Variants in BICDL1 observed in about 807,000 individuals in gnomAD.
BICDL1 encodes BICD family-like cargo adapter 1.
BICDL1 carries 20 observed loss-of-function variants against 76.8 expected under a neutral mutation model. The observed-to-expected ratio is 0.26, with a 90% CI of 0.18 to 0.38. The LOEUF is 0.38. BICDL1 is among the 10% of genes least tolerant of loss of function. The pLI is 1.00. For synonymous variants in BICDL1, 383 were observed against 337.1 expected (o/e 1.14, Z -1.49); for missense variants, 700 against 798.6 (o/e 0.88, Z 1.49).
intron 9 of BICDL1, chr12:120,091,636 T>C: frequency 2.0e-6 from 2 of 985,024 alleles, no homozygotes; most frequent in South Asian, 9.4e-5. Context: ...GAGCTGAGTC[T>C]GAAAGACAGG....
chr12:120,026,879 T>C (rs1042021142), intron 2 of BICDL1, among the ~76,000 whole-genome samples: 1 of 152,152 alleles, frequency 6.6e-6, no homozygotes, highest in Non-Finnish European at 1.5e-5. Flanking sequence ...GTATAGGAAG[T>C]TGGTTCACCC....
At position 120,093,262 on chromosome 12, in the gene BICDL1, T is replaced by TAGCATGAGGGGCAGG; in HGVS notation, c.*101_*102insAGCATGAGGGGCAGG. 1 of 1,355,008 alleles carries TAGCATGAGGGGCAGG rather than the reference T, an allele frequency of 7.4e-7. No homozygotes were observed. The highest frequency in any genetic ancestry group is 1.0e-6 in the Non-Finnish European group (1 of 980,584). The allele number at this position is 1,355,008 out of a possible 1,614,324, so 83.9% of individuals were successfully genotyped here. A position where few individuals can be genotyped will look rare whatever the true frequency, so the allele number is the denominator to read the frequency against. On this transcript the variant is annotated 3_prime_UTR_variant, in exon 10 of 10. Coordinates refer to ENST00000548673, the MANE Select transcript of BICDL1 (RefSeq NM_001367886.1). ...GCAGCTTGCACCTCAGCAGCTGCCCTGCCCCTCATGCTAGGGCCCCATGGG... is the reference window on the plus strand; with the variant it reads ...GCAGCTTGCACCTCAGCAGCTGCCCTAGCATGAGGGGCAGGGCCCCTCATGCTAGGGCCCCATGGG...
Position 120,003,908 on chromosome 12 carries a change from A to G in BICDL1, c.645+5172A>G, listed in dbSNP as rs146731648. Among the ~76,000 whole-genome samples, 203 of 152,320 alleles carry G rather than the reference A, an allele frequency of 1.3e-3. 1 individual carries two copies. Among genetic ancestry groups the G allele is most frequent in the Non-Finnish European group, 2.6e-3 (176 of 68,026 alleles). ...TGGCCATTATTTGGGTTTAGGTATC[A>G]TTATGGCTTTCCTGTCCTTCTTGGG... On this transcript the variant is annotated intron_variant, in intron 2 of 9. Coordinates refer to ENST00000548673, the MANE Select transcript of BICDL1 (RefSeq NM_001367886.1).
At chr12:120,064,711 CT>C (rs1953182433) in intron 3 of BICDL1, 21 bp from the exon 4 acceptor site, 1 of 1,592,250 alleles carries the variant, frequency 6.3e-7, no homozygotes, top group Non-Finnish European at 8.5e-7. Flanking sequence ...CACACCACCC[CT>C]GTGGCTCTCC....
chr12:120,093,820 G>C lies in BICDL1; in HGVS notation c.*659G>C, dbSNP rs1171024319. 1 of 188,332 alleles carries C rather than the reference G, an allele frequency of 5.3e-6. No individual in the cohort carries two copies. The highest frequency in any genetic ancestry group is 1.1e-5 in the Non-Finnish European group (1 of 88,980). 11.7% of individuals were successfully genotyped at this position (188,332 alleles called of 1,614,324 possible). ...AAGGCCCTGTCCCCCTGTCGCCACT[G>C]CTCTCCCTCCCAGCCTTCAGTCTCT... On this transcript the variant is annotated 3_prime_UTR_variant, in exon 10 of 10. Coordinates refer to ENST00000548673, the MANE Select transcript of BICDL1 (RefSeq NM_001367886.1).
chr12:120,078,902 C>T (rs1873764955), intron 7 of BICDL1, among the ~76,000 whole-genome samples: 1 of 152,252 alleles, frequency 6.6e-6, no homozygotes, highest in Non-Finnish European at 1.5e-5. Context: ...AAGAGGAGGT[C>T]TGGCTGTCTC....
chr12:120,020,200 G>A (rs1474507339), intron 2 of BICDL1, among the ~76,000 whole-genome samples: 4 of 152,118 alleles, frequency 2.6e-5, no homozygotes, highest in African/African-American at 7.2e-5. Flanking sequence ...ACATTATCTT[G>A]TGCCAGAAAT....
At chr12:120,041,068 A>G (rs1361086585) in intron 2 of BICDL1, among the ~76,000 whole-genome samples, 1 of 152,228 alleles carries the variant, frequency 6.6e-6, no homozygotes, top group African/African-American at 2.4e-5. Flanking sequence ...CTTTTAAGAA[A>G]AAATCTTGCC....
At chr12:120,069,712 A>G (rs1043721370) in intron 4 of BICDL1, among the ~76,000 whole-genome samples, 1 of 152,196 alleles carries the variant, frequency 6.6e-6, no homozygotes, top group Non-Finnish European at 1.5e-5. Context: ...GAAAATGTAT[A>G]TATAGTAAAG....
intron 2 of BICDL1, among the ~76,000 whole-genome samples, chr12:120,034,956 C>T (rs944751632): frequency 2.0e-5 from 3 of 152,126 alleles, no homozygotes; most frequent in African/African-American, 7.2e-5. Context: ...GTGTGTTTTT[C>T]CCCCATAGCT....
intron 3 of BICDL1, among the ~76,000 whole-genome samples, chr12:120,064,254 G>T (rs765776052): frequency 6.6e-6 from 1 of 152,068 alleles, no homozygotes; most frequent in Admixed American, 6.6e-5. Flanking sequence ...GGCCAGGAGC[G>T]GGGAAAGGAA....
chr12:120,010,705 T>A (rs1206460271), intron 2 of BICDL1, among the ~76,000 whole-genome samples: 2 of 152,204 alleles, frequency 1.3e-5, no homozygotes, highest in Non-Finnish European at 2.9e-5. Context: ...TGTATTGAAG[T>A]TCTGTTTAAT....
rs1284308510 is a variant in BICDL1, at chr12:120,093,152, G to C, written c.1857G>C (p.Arg619Ser). The C allele has an allele frequency of 6.2e-7, 1 of 1,600,448 alleles. No individual in the cohort carries two copies. The highest frequency in any genetic ancestry group is 8.5e-7 in the Non-Finnish European group (1 of 1,173,058). ...AEGKRLFSFF[R>S]KI is the part of the protein sequence containing the mutation. ...GCAAACGACTCTTCTCATTCTTCAGGAAAATTTAAGTTGGGAGGAGTCAGG... is the reference window on the plus strand; with the variant it reads ...GCAAACGACTCTTCTCATTCTTCAGCAAAATTTAAGTTGGGAGGAGTCAGG... The change falls in exon 10 of 10, where the codon AGG becomes AGC. Residue 619 changes from arginine to serine, a missense_variant. Around this residue, in one of 3 missense-constraint regions of BICDL1, gnomAD observed 455 missense variants for 548.7 expected, o/e 0.83. Transcript: ENST00000548673.
chr12:120,071,244 G>A lies in BICDL1; in HGVS notation c.910-378G>A, dbSNP rs559321391. 4.6e-5 allele frequency among the ~76,000 whole-genome samples: 7 copies of A among 151,778 alleles called. 1 individual carries two copies. The highest frequency in any genetic ancestry group is 1.7e-4 in the African/African-American group (7 of 41,358). ...TGCAACGTCCGCCTCCTGGGTTCAAGCGATTCTCCTGCCTCATTCCCCAAG... is the reference window on the plus strand; with the variant it reads ...TGCAACGTCCGCCTCCTGGGTTCAAACGATTCTCCTGCCTCATTCCCCAAG... On this transcript the variant is annotated intron_variant, in intron 4 of 9. Coordinates refer to ENST00000548673, the MANE Select transcript of BICDL1 (RefSeq NM_001367886.1). The surrounding 1 kb of genome is among the most constrained non-coding windows in gnomAD (Gnocchi z 4.8).
chr12:120,091,608 A>G (rs565527013), intron 9 of BICDL1: 1 of 984,648 alleles, frequency 1.0e-6, no homozygotes, highest in Non-Finnish European at 1.2e-6. Flanking sequence ...AGACAAGGGC[A>G]AGGAGAAGAC....
intron 8 of BICDL1, among the ~76,000 whole-genome samples, chr12:120,084,949 TC>T (rs1352125872): frequency 6.6e-6 from 1 of 151,644 alleles, no homozygotes; most frequent in Non-Finnish European, 1.5e-5. Context: ...ACTTTCCCCC[TC>T]CCTTCTGTTC....
intron 2 of BICDL1, among the ~76,000 whole-genome samples, chr12:120,008,093 T>A (rs1951882640): frequency 6.6e-6 from 1 of 152,002 alleles, no homozygotes; most frequent in South Asian, 2.1e-4. Flanking sequence ...CGTTCTCATA[T>A]GTGACCTCTT....
At chr12:120,064,499 C>T (rs988206244) in intron 3 of BICDL1, 5 of 284,258 alleles carry the variant, frequency 1.8e-5, no homozygotes, top group African/African-American at 1.1e-4. Flanking sequence ...TGGCATCCCA[C>T]ATTCCAGCTT....
chr12:120,063,752 ACC>A (rs1163551966), intron 3 of BICDL1, among the ~76,000 whole-genome samples: 1 of 152,140 alleles, frequency 6.6e-6, no homozygotes, highest in East Asian at 1.9e-4. Context: ...ATCCACGAGG[ACC>A]TCCAGGATTC....
Sources: gnomAD v4.1 joint callset for allele counts (sites outside exome capture counted in the v4.1 genomes callset) on GRCh38, gnomAD v4.1.1 for gene constraint, gnomAD v4.1.1 regional missense constraint, Gnocchi (gnomAD v3.1) non-coding constraint, MANE v1.5 for transcripts, NCBI Gene and HGNC (gene_info 2026-07-23, HGNC 2026-07-21) for gene names.